Variants in SASH1 observed in about 807,000 individuals in gnomAD.
The protein encoded by SASH1 is SAM and SH3 domain-containing protein 1.
Under a neutral mutation model 125.2 loss-of-function variants are expected in SASH1, and 44 were observed. The ratio of observed to expected loss-of-function variants is 0.35; its 90% CI spans 0.28 to 0.45. The LOEUF (loss-of-function observed/expected upper bound fraction) is 0.45. SASH1 is among the 20% of genes least tolerant of loss of function. The pLI, the probability that SASH1 is intolerant of heterozygous loss-of-function variation, is 1.00. For missense variants in SASH1, 1,426 were observed against 1,614.5 expected (o/e 0.88, Z 2.00); for synonymous variants, 639 against 649.1 (o/e 0.98, Z 0.24).
At chr6:148,237,195 T>C in the SASH1 span, among the ~76,000 whole-genome samples, 1 of 152,142 alleles carries the variant, frequency 6.6e-6, no homozygotes, top group Non-Finnish European at 1.5e-5. Context: ...TTTTTTTTTT[T>C]AGCACAGTTC....
chr6:148,546,953 C>A (rs1782609063), intron 19 of SASH1, among the ~76,000 whole-genome samples: 1 of 152,110 alleles, frequency 6.6e-6, no homozygotes, highest in African/African-American at 2.4e-5. Context: ...TGGTCCAAGA[C>A]CTCCAAGTGG....
At chr6:148,313,389 C>T (rs1562319647) in intron 1 of SASH1, among the ~76,000 whole-genome samples, 1 of 152,088 alleles carries the variant, frequency 6.6e-6, no homozygotes, top group East Asian at 1.9e-4. Flanking sequence ...CTATTACTTT[C>T]CCTACTAATT....
chr6:148,281,649 G>C (rs1409166333), intron 1 of SASH1, among the ~76,000 whole-genome samples: 3 of 152,162 alleles, frequency 2.0e-5, no homozygotes, highest in Admixed American at 1.3e-4. Flanking sequence ...CAGGCCGGGC[G>C]CGGTGGCTCA....
At chr6:148,505,215 T>C (rs538377084) in intron 8 of SASH1, among the ~76,000 whole-genome samples, 65 of 152,350 alleles carry the variant, frequency 4.3e-4, no homozygotes, top group African/African-American at 1.4e-3. Context: ...TGAACCTGCA[T>C]TGGCTCAGAG....
At chr6:148,469,766 A>G (rs1215178708) in intron 5 of SASH1, among the ~76,000 whole-genome samples, 1 of 151,750 alleles carries the variant, frequency 6.6e-6, no homozygotes, top group South Asian at 2.1e-4. Context: ...GGTGGCTCAC[A>G]TCTGTAATCC....
the SASH1 span, among the ~76,000 whole-genome samples, chr6:148,213,758 A>C: frequency 6.6e-6 from 1 of 151,922 alleles, no homozygotes; most frequent in African/African-American, 2.4e-5. Context: ...GAGACTTCGG[A>C]TCTCCTAGGC....
the SASH1 span, among the ~76,000 whole-genome samples, chr6:148,209,379 G>A: frequency 4.0e-4 from 61 of 152,198 alleles, no homozygotes; most frequent in Admixed American, 7.9e-4. Flanking sequence ...CTATGTGACT[G>A]CGTACCTCTA....
intron 8 of SASH1, among the ~76,000 whole-genome samples, chr6:148,490,689 A>G (rs1333188979): frequency 2.0e-5 from 3 of 152,176 alleles, no homozygotes; most frequent in East Asian, 3.9e-4. Flanking sequence ...GTTCCATACA[A>G]CCAGTCATCT....
At chr6:148,212,063 C>A in the SASH1 span, among the ~76,000 whole-genome samples, 14,750 of 152,194 alleles carry the variant, frequency 0.097, 900 homozygotes, top group African/African-American at 0.17. Context: ...AACCAACCAG[C>A]GTCACTGGGA....
rs1427380874 is a variant in SASH1 at position 148,519,901 on chromosome 6, C to T, written c.1209+8C>T. 8 of 1,537,648 alleles carry T rather than the reference C, an allele frequency of 5.2e-6. No individual in the cohort carries two copies. The highest frequency in any genetic ancestry group is 4.4e-6 in the Non-Finnish European group (5 of 1,142,844). ...GGGTCCCTAAGCCACGGGGTAAGTA[C>T]GGATGGTGTTTGCTTCTATGACAAC... On this transcript the variant is annotated splice_region_variant and intron_variant, in intron 10 of 19. Coordinates refer to ENST00000367467, the MANE Select transcript of SASH1 (RefSeq NM_015278.5). This position sits in a 1 kb window ranked among gnomAD's most constrained non-coding sequence, Gnocchi z 4.8.
chr6:148,411,564 G>A (rs1306356214), intron 2 of SASH1, among the ~76,000 whole-genome samples: 1 of 151,544 alleles, frequency 6.6e-6, no homozygotes, highest in Non-Finnish European at 1.5e-5. Flanking sequence ...TTTTTTTTGA[G>A]ATAGAGTTTT....
At chr6:148,231,235 A>G in the SASH1 span, among the ~76,000 whole-genome samples, 7 of 152,310 alleles carry the variant, frequency 4.6e-5, no homozygotes, top group East Asian at 5.8e-4. Context: ...TGAAATGTCT[A>G]TTCTTTACTC....
chr6:148,426,845 C>G (rs1190805681), intron 2 of SASH1, among the ~76,000 whole-genome samples: 1 of 152,150 alleles, frequency 6.6e-6, no homozygotes, highest in Non-Finnish European at 1.5e-5. Flanking sequence ...CTCAGAAGAT[C>G]ACTTAGTGGT....
At chr6:148,350,871 A>G (rs1781702901) in intron 1 of SASH1, among the ~76,000 whole-genome samples, 3 of 152,232 alleles carry the variant, frequency 2.0e-5, no homozygotes, top group South Asian at 4.1e-4. Context: ...TCATTTTTCA[A>G]ATGATATGCT....
chr6:148,343,259 C>T, intron 1 of SASH1, 36 bp downstream of exon 1: 1 of 1,548,526 alleles, frequency 6.5e-7, no homozygotes, highest in Non-Finnish European at 8.7e-7. Context: ...GCAGGAAGTA[C>T]AGTTCGCAGC....
chr6:148,238,014 A>C, the SASH1 span, among the ~76,000 whole-genome samples: 74 of 152,246 alleles, frequency 4.9e-4, 2 homozygotes, highest in South Asian at 0.015. Context: ...GGGTGGCCCT[A>C]GCTAGAGCTT....
intron 2 of SASH1, among the ~76,000 whole-genome samples, chr6:148,424,011 A>G (rs190675391): frequency 1.7e-4 from 22 of 131,346 alleles, no homozygotes; most frequent in South Asian, 1.2e-3. Flanking sequence ...GTTTCTGAAG[A>G]AAAAAAAAAA....
intron 1 of SASH1, among the ~76,000 whole-genome samples, chr6:148,277,051 ACACATAAAAAT>A (rs1412458725): frequency 2.0e-5 from 3 of 152,176 alleles, no homozygotes; most frequent in African/African-American, 7.2e-5. Flanking sequence ...GGTGTGGTAG[ACACATAAAAAT>A]CCCTATTTTA....
chr6:148,545,001 T>G (rs1782474511), intron 18 of SASH1, among the ~76,000 whole-genome samples, 183 bp downstream of exon 18: 1 of 152,092 alleles, frequency 6.6e-6, no homozygotes, highest in African/African-American at 2.4e-5. Flanking sequence ...ACCACCCCAT[T>G]TCATCTCTCC....
Sources: allele counts gnomAD v4.1 joint callset (sites outside exome capture counted in the v4.1 genomes callset), GRCh38; gene constraint gnomAD v4.1.1; non-coding constraint Gnocchi (gnomAD v3.1); transcripts MANE v1.5; gene names NCBI Gene and HGNC (gene_info 2026-07-23, HGNC 2026-07-21).